Variants in CDC7 observed in about 807,000 individuals in gnomAD.
The protein encoded by CDC7 is cell division cycle 7, also known as cell division cycle 7-related protein kinase.
CDC7 carries 34 observed loss-of-function variants against 53.5 expected under a neutral mutation model. That is an observed-to-expected ratio of 0.64 (90% CI 0.48 to 0.85). The LOEUF is 0.85. Ranked by LOEUF, CDC7 falls within the 40% of genes least tolerant of loss-of-function variation. The pLI is 0.00. For synonymous variants in CDC7, 211 were observed against 222.8 expected, an observed-to-expected ratio of 0.95 and a Z score of 0.47; for missense variants, 594 against 679.7, an observed-to-expected ratio of 0.87 and a Z score of 1.40.
At chr1:91,523,041 T>C (rs1159636173) in intron 11 of CDC7, among the ~76,000 whole-genome samples, 1 of 152,254 alleles carries the variant, frequency 6.6e-6, no homozygotes, top group African/African-American at 2.4e-5. Context: ...AACTTTTTTT[T>C]GCACATCTGA....
At chr1:91,511,952 T>C (rs773960283) in intron 6 of CDC7, 29 bp downstream of exon 6, 1 of 1,502,102 alleles carries the variant, frequency 6.7e-7, no homozygotes, top group Non-Finnish European at 9.1e-7. Context: ...TAGAAAATAT[T>C]TATCCTATTT....
intron 11 of CDC7, among the ~76,000 whole-genome samples, chr1:91,522,281 A>G (rs890131688): frequency 4.6e-5 from 7 of 152,240 alleles, no homozygotes; most frequent in African/African-American, 1.4e-4. Flanking sequence ...AAAAGCCTCA[A>G]AATTTCAACA....
intron 11 of CDC7, among the ~76,000 whole-genome samples, chr1:91,520,641 T>C (rs1557601130): frequency 6.6e-6 from 1 of 152,228 alleles, no homozygotes; most frequent in Non-Finnish European, 1.5e-5. Flanking sequence ...TTTACTTTTT[T>C]ATTGTCTTTT....
intron 10 of CDC7, among the ~76,000 whole-genome samples, chr1:91,517,635 A>G (rs1446122544): frequency 1.3e-5 from 2 of 152,196 alleles, no homozygotes; most frequent in Non-Finnish European, 2.9e-5. Context: ...TGGGCTAGAA[A>G]TACAGATGAA....
At chr1:91,518,093 C>CAAAAAAAAAAAAAAAAAAAAAA (rs55787737) in intron 10 of CDC7, among the ~76,000 whole-genome samples, 2 of 46,028 alleles carry the variant, frequency 4.3e-5, no homozygotes, top group African/African-American at 1.8e-4. Flanking sequence ...GACTCAGTCT[C>CAAAAAAAAAAAAAAAAAAAAAA]AAAAAAAAAA....
chr1:91,520,317 TTTGA>T (rs750343964), intron 11 of CDC7, 38 bp downstream of exon 11: 13 of 1,446,994 alleles, frequency 9.0e-6, no homozygotes, highest in African/African-American at 1.4e-5. Flanking sequence ...ACAAAATGCC[TTTGA>T]TTATCTCCTA....
rs772828728 is a variant in CDC7 at position 91,501,674 on chromosome 1, A to C, written c.-43A>C. ...CACAGCTGCTTTGCTCCCCCTGTGG[A>C]TGTAACCCCTTAGCTGGCATTTTGC... On this transcript the variant is annotated 5_prime_UTR_variant, in exon 2 of 12. It removes an upstream start codon present in the reference 5' UTR. Coordinates refer to ENST00000234626, the MANE Select transcript of CDC7 (RefSeq NM_003503.4). 1.4e-6 allele frequency: 2 copies of C among 1,393,832 alleles called. No individual in the cohort carries two copies. Among genetic ancestry groups the C allele is most frequent in the Non-Finnish European group, 2.0e-6 (2 of 981,808 alleles). 86.3% of individuals were successfully genotyped at this position (1,393,832 alleles called of 1,614,324 possible). A position where few individuals can be genotyped will look rare whatever the true frequency, so the allele number is the denominator to read the frequency against.
At chr1:91,511,372 C>T (rs983738524) in intron 4 of CDC7, among the ~76,000 whole-genome samples, 1 of 152,046 alleles carries the variant, frequency 6.6e-6, no homozygotes, top group African/African-American at 2.4e-5. Flanking sequence ...ATAATTACCT[C>T]GTTTGAATTA....
At position 91,506,742 on chromosome 1, in the gene CDC7, G is replaced by A. The variant is rs76254610; in HGVS notation, c.116-1112G>A. ...AGGTGGGCAGATCACTTGAGGTCAG[G>A]AGTTCAAGACCAGCCTGGCCATTGT... is the stretch of plus-strand genomic sequence containing the variant. On this transcript the variant is annotated intron_variant, in intron 2 of 11. Coordinates refer to ENST00000234626, the MANE Select transcript of CDC7 (RefSeq NM_003503.4). Among the ~76,000 whole-genome samples, 263 of 152,260 alleles carry A rather than the reference G, an allele frequency of 1.7e-3. 1 individual carries two copies. In the East Asian group the frequency reaches 0.024, roughly 14 times the overall value.
chr1:91,514,113 G>A, intron 8 of CDC7, 70 bp downstream of exon 8: 1 of 952,308 alleles, frequency 1.1e-6, no homozygotes, highest in Non-Finnish European at 1.6e-6. Context: ...GTAATAACTA[G>A]ATTAACATTT....
In CDC7 at chr1:91,514,829, A is replaced by G. The variant is rs113692705; in HGVS notation, c.929A>G (p.Gln310Arg). 1 of 1,588,980 alleles carries G rather than the reference A, an allele frequency of 6.3e-7. No individual in the cohort carries two copies. Among genetic ancestry groups the G allele is most frequent in the African/African-American group, 1.4e-5 (1 of 73,614 alleles). Residue 310 changes from glutamine to arginine, a missense_variant, in exon 9 of 12, where the codon CAG (glutamine) becomes CGG (arginine). Coordinates refer to ENST00000234626, the MANE Select transcript of CDC7 (RefSeq NM_003503.4). ...HESPAVKLMK[Q>R]SKTVDVLSRK... Reference sequence around the variant, plus strand: ...ACTTTTCTTTTACAGCTCATGAAGCAGTCAAAGACTGTGGATGTACTGTCT... The same window carrying G: ...ACTTTTCTTTTACAGCTCATGAAGCGGTCAAAGACTGTGGATGTACTGTCT...
At chr1:91,519,256 CAAAAAAAAAAAAA>C (rs71087957) in intron 10 of CDC7, among the ~76,000 whole-genome samples, 1,797 of 60,232 alleles carry the variant, frequency 0.03, 38 homozygotes, top group African/African-American at 0.085. Flanking sequence ...ACTAAAAATA[CAAAAAAAAAAAAA>C]AAAAAAAAAA....
At chr1:91,514,681 C>A in intron 8 of CDC7, 138 bp from the exon 9 acceptor site, 1 of 560,822 alleles carries the variant, frequency 1.8e-6, no homozygotes, top group Non-Finnish European at 2.9e-6. Context: ...TTTTAATAGA[C>A]AACAGTTTAT....
At chr1:91,509,566 T>C (rs1413809705) in intron 4 of CDC7, among the ~76,000 whole-genome samples, 3 of 152,200 alleles carry the variant, frequency 2.0e-5, no homozygotes, top group African/African-American at 7.2e-5. Context: ...CATGTCTTTC[T>C]GTCTTCTCTG....
At chr1:91,505,486 A>G (rs536457247) in intron 2 of CDC7, among the ~76,000 whole-genome samples, 1 of 152,314 alleles carries the variant, frequency 6.6e-6, no homozygotes, top group Non-Finnish European at 1.5e-5. Context: ...CTATTGGTAT[A>G]TTAAAACCAA....
chr1:91,518,065 G>A (rs923449607), intron 10 of CDC7, among the ~76,000 whole-genome samples: 3 of 109,860 alleles, frequency 2.7e-5, no homozygotes, highest in Non-Finnish European at 5.0e-5. Context: ...TTGCACTCCA[G>A]CCTGAGCAAC....
rs375886193 is a variant in CDC7 at position 91,511,814 on chromosome 1, C to A, written c.463C>A (p.Arg155=). 3.7e-6 allele frequency: 6 copies of A among 1,605,324 alleles called. No individual in the cohort carries two copies. The South Asian group carries it at 4.4e-5, about 12-fold the overall frequency. The change falls in exon 6 of 12, where the codon CGG becomes AGG. Residue 155 remains arginine (R), a synonymous_variant. Transcript: ENST00000234626. ...ILNSLSFQEV[R]EYMLNLFKAL... ...GAATTCTCTTTCCTTTCAAGAAGTA[C>A]GGGAATATATGCTTAATCTGTTCAA...
At chr1:91,523,382 A>G (rs1571343577) in intron 11 of CDC7, among the ~76,000 whole-genome samples, 1 of 152,212 alleles carries the variant, frequency 6.6e-6, no homozygotes, top group East Asian at 1.9e-4. Flanking sequence ...AACAGACATT[A>G]ACTGACTACC....
chr1:91,518,535 A>G (rs1300566705), intron 10 of CDC7, among the ~76,000 whole-genome samples: 2 of 152,220 alleles, frequency 1.3e-5, no homozygotes. Context: ...GTACTTACAC[A>G]CAATGGAAGT....
Sources: allele counts gnomAD v4.1 joint callset (sites outside exome capture counted in the v4.1 genomes callset), GRCh38; gene constraint gnomAD v4.1.1; transcripts MANE v1.5; gene names NCBI Gene and HGNC (gene_info 2026-07-23, HGNC 2026-07-21).